Variants in ANKFN1 observed in about 807,000 individuals in gnomAD.
ANKFN1 encodes ankyrin repeat and fibronectin type III domain containing 1.
In ANKFN1, 74 loss-of-function variants were observed where a neutral mutation model predicts 108.7. The ratio of observed to expected loss-of-function variants is 0.68; its 90% CI spans 0.56 to 0.83. The LOEUF (loss-of-function observed/expected upper bound fraction) is 0.83. Ranked by LOEUF, ANKFN1 falls within the 40% of genes least tolerant of loss-of-function variation. The pLI is 0.00. For synonymous variants in ANKFN1, 547 were observed against 516.2 expected, an observed-to-expected ratio of 1.06 and a Z score of -0.81; for missense variants, 1,505 against 1,382.3, an observed-to-expected ratio of 1.09 and a Z score of -1.41.
chr17:56,399,045 A>ATG (rs1407001036), intron 8 of ANKFN1, among the ~76,000 whole-genome samples: 1 of 152,158 alleles, frequency 6.6e-6, no homozygotes, highest in East Asian at 1.9e-4. Context: ...AATAAAAATG[A>ATG]TGTCACATAC....
At chr17:56,470,040 T>G (rs1028724371) in intron 15 of ANKFN1, among the ~76,000 whole-genome samples, 1 of 152,172 alleles carries the variant, frequency 6.6e-6, no homozygotes, top group Non-Finnish European at 1.5e-5. Flanking sequence ...CACATAGTGT[T>G]TGGTTTTCTG....
At chr17:56,076,948 G>A (rs1424204781) in intron 4 of ANKFN1, among the ~76,000 whole-genome samples, 3 of 152,140 alleles carry the variant, frequency 2.0e-5, no homozygotes, top group African/African-American at 7.2e-5. Context: ...CTCTAGGGTT[G>A]TGGTATTAAA....
intron 20 of ANKFN1, among the ~76,000 whole-genome samples, chr17:56,501,396 G>A (rs2051364834): frequency 6.6e-6 from 1 of 152,174 alleles, no homozygotes; most frequent in Admixed American, 6.5e-5. Context: ...TATTGAAGCA[G>A]GGAGGCAACT....
At chr17:56,159,180 A>G (rs1268193766) in intron 1 of ANKFN1, among the ~76,000 whole-genome samples, 1 of 152,220 alleles carries the variant, frequency 6.6e-6, no homozygotes, top group Non-Finnish European at 1.5e-5. Flanking sequence ...CTCCTGAATG[A>G]AAGTCATCAT....
intron 1 of ANKFN1, among the ~76,000 whole-genome samples, chr17:56,161,613 T>C (rs1360841062): frequency 6.6e-6 from 1 of 152,188 alleles, no homozygotes; most frequent in Non-Finnish European, 1.5e-5. Flanking sequence ...TTTTGTTTGA[T>C]GAAATCAGCT....
rs1235817489 is a variant in ANKFN1 at position 56,489,624 on chromosome 17, T to C, written c.2261-2563T>C. ...AAGAGAAAGCTGTGAACACCCCGGC[T>C]TGTAAGAATTCAGATCAGACTGATA... On this transcript the variant is annotated intron_variant, in intron 18 of 20. Coordinates refer to ENST00000682825, the MANE Select transcript of ANKFN1 (RefSeq NM_001370326.1). Among the ~76,000 whole-genome samples the C allele has an allele frequency of 2.0e-5, 3 of 152,244 alleles. No individual in the cohort carries two copies. The East Asian group carries it at 5.8e-4, about 29-fold the overall frequency.
chr17:56,457,197 A>C, intron 12 of ANKFN1, 60 bp from the exon 13 acceptor site: 1 of 1,466,450 alleles, frequency 6.8e-7, no homozygotes, highest in Non-Finnish European at 9.1e-7. Flanking sequence ...TATCACATCC[A>C]AAAAAATATT....
chr17:56,234,564 C>T (rs1176064726), intron 3 of ANKFN1, among the ~76,000 whole-genome samples: 1 of 152,056 alleles, frequency 6.6e-6, no homozygotes, highest in East Asian at 1.9e-4. Flanking sequence ...CATAAGTTCT[C>T]ATCATTTAGC....
intron 3 of ANKFN1, among the ~76,000 whole-genome samples, chr17:56,299,024 G>A (rs758697228): frequency 1.3e-5 from 2 of 152,168 alleles, no homozygotes; most frequent in Non-Finnish European, 2.9e-5. Flanking sequence ...AAGGCAAGAG[G>A]CTATGTTGTG....
At chr17:56,254,348 A>C (rs2043307108) in intron 3 of ANKFN1, 2 of 152,214 alleles carry the variant, frequency 1.3e-5, no homozygotes, top group Admixed American at 1.3e-4. Flanking sequence ...CCTAAGTGTA[A>C]ATGAACCACT....
intron 6 of ANKFN1, among the ~76,000 whole-genome samples, chr17:56,363,475 G>A (rs544747596): frequency 7.9e-5 from 12 of 152,300 alleles, no homozygotes; most frequent in Admixed American, 7.8e-4. Context: ...TGTTAGTGGG[G>A]ATGTAAATTA....
chr17:56,348,478 A>G (rs978232261), intron 4 of ANKFN1, among the ~76,000 whole-genome samples: 1 of 152,156 alleles, frequency 6.6e-6, no homozygotes, highest in African/African-American at 2.4e-5. Flanking sequence ...GACAACCTAC[A>G]GAATGGGCAA....
At chr17:56,115,235 G>C (rs555738138) in intron 4 of ANKFN1, among the ~76,000 whole-genome samples, 51 of 152,266 alleles carry the variant, frequency 3.3e-4, no homozygotes, top group African/African-American at 1.1e-3. Context: ...TATTTGAGGG[G>C]CCACAGTCAG....
At chr17:56,372,098 A>C (rs891577879) in intron 6 of ANKFN1, among the ~76,000 whole-genome samples, 6 of 152,354 alleles carry the variant, frequency 3.9e-5, no homozygotes, top group Non-Finnish European at 7.3e-5. Flanking sequence ...ATTGATTAAC[A>C]ATAATAAAAT....
chr17:56,466,954 AAAAT>A (rs1568025003), intron 15 of ANKFN1, among the ~76,000 whole-genome samples: 1 of 152,054 alleles, frequency 6.6e-6, no homozygotes, highest in Non-Finnish European at 1.5e-5. Context: ...AAAATACAAA[AAAAT>A]AAATAAATAA....
rs547161533 is a variant in ANKFN1 at position 56,514,001 on chromosome 17, G to A, written c.*2732G>A. Among the ~76,000 whole-genome samples, 5 of 152,156 alleles carry A rather than the reference G, an allele frequency of 3.3e-5. No individual in the cohort carries two copies. Among genetic ancestry groups the A allele is most frequent in the Admixed American group, 2.0e-4 (3 of 15,280 alleles). ...TAATTCACAGTCCTTTATTCATTTG[G>A]CCGACCTTCTACTTACAGAGACTTT... On this transcript the variant is annotated 3_prime_UTR_variant, in exon 21 of 21. Transcript: ENST00000682825.
intron 6 of ANKFN1, among the ~76,000 whole-genome samples, chr17:56,361,868 C>T (rs2046530152): frequency 6.6e-6 from 1 of 152,006 alleles, no homozygotes; most frequent in Admixed American, 6.6e-5. Flanking sequence ...TTGGCTTCCC[C>T]CAGAGAAAAT....
At chr17:56,502,224 C>T (rs1302236318) in intron 20 of ANKFN1, among the ~76,000 whole-genome samples, 2 of 152,186 alleles carry the variant, frequency 1.3e-5, no homozygotes, top group African/African-American at 4.8e-5. Context: ...AGTGTTTAAT[C>T]TTCTCTTGGC....
At chr17:56,107,130 C>T (rs1382875820) in intron 4 of ANKFN1, among the ~76,000 whole-genome samples, 1 of 152,120 alleles carries the variant, frequency 6.6e-6, no homozygotes, top group African/African-American at 2.4e-5. Flanking sequence ...TTTCCTCTCA[C>T]CACAGAAGCC....
Sources: allele counts gnomAD v4.1 joint callset (sites outside exome capture counted in the v4.1 genomes callset), GRCh38; gene constraint gnomAD v4.1.1; transcripts MANE v1.5; gene names NCBI Gene and HGNC (gene_info 2026-07-23, HGNC 2026-07-21).